Variants in GET1 observed in about 807,000 individuals in gnomAD.
The protein encoded by GET1 is guided entry of tail-anchored proteins factor 1.
Under a neutral mutation model 22.6 loss-of-function variants are expected in GET1, and 20 were observed. That is an observed-to-expected ratio of 0.89 (90% confidence interval 0.62 to 1.29). GET1 has a LOEUF of 1.29. Among genes scored for constraint, GET1 ranks in the 50% most tolerant of loss-of-function variants. GET1 has a pLI of 0.00. For missense variants in GET1, 209 were observed against 219.9 expected, an observed-to-expected ratio of 0.95 and a Z score of 0.31; for synonymous variants, 92 against 83.8, an observed-to-expected ratio of 1.10 and a Z score of -0.53.
chr21:39,423,014 T>A (rs780930244), intron 1 of GET1: 5 of 1,614,098 alleles, frequency 3.1e-6, no homozygotes, highest in East Asian at 2.2e-5. Flanking sequence ...TTTGTTGTGA[T>A]AATAGATAAT....
At chr21:39,393,314 G>A (rs1436160974) in intron 4 of GET1, 34 bp downstream of exon 4, 2 of 1,523,242 alleles carry the variant, frequency 1.3e-6, no homozygotes, top group Admixed American at 1.7e-5. Flanking sequence ...GTGGAAGAGT[G>A]TGAATAGGCT....
chr21:39,380,570 A>T (rs924198673), intron 1 of GET1, 84 bp downstream of exon 1: 219 of 1,540,806 alleles, frequency 1.4e-4, no homozygotes, highest in Non-Finnish European at 1.8e-4. Context: ...CAGGGGTCTC[A>T]ACTGGGCGAC....
chr21:39,414,738 C>CTGTGTGTGTGTGTGTG lies in GET1; in HGVS notation c.*23+3802_*23+3803insGTGTGTGTGTGTGTGT, dbSNP rs763309098. Among the ~76,000 whole-genome samples the CTGTGTGTGTGTGTGTG allele has an allele frequency of 2.9e-3, 309 of 107,308 alleles. 4 individuals are homozygous for CTGTGTGTGTGTGTGTG. The highest frequency in any genetic ancestry group is 6.8e-3 in the African/African-American group (175 of 25,604). The allele number at this position is 107,308 out of a possible 152,430, so 70.4% of individuals were successfully genotyped here. A position where few individuals can be genotyped will look rare whatever the true frequency, so the allele number is the denominator to read the frequency against. On this transcript the variant is annotated intron_variant, in intron 1 of 1. Transcript: ENST00000478273. ...CCTCTCTCTCTCTCTCTCTCTCTCT[C>CTGTGTGTGTGTGTGTG]TCTCTGTGTGTGTGTGTGTGTGTGT...
chr21:39,421,242 C>T (rs1265251790), intron 1 of GET1, among the ~76,000 whole-genome samples: 1 of 152,014 alleles, frequency 6.6e-6, no homozygotes, highest in African/African-American at 2.4e-5. Flanking sequence ...GCTGGGTTTA[C>T]AGGTGCACAC....
intron 1 of GET1, chr21:39,411,659 T>C: frequency 1.2e-6 from 1 of 817,434 alleles, no homozygotes; most frequent in Non-Finnish European, 2.0e-6. Context: ...CTATATAAAT[T>C]AGGAAAATCT....
intron 1 of GET1, among the ~76,000 whole-genome samples, chr21:39,389,345 G>A (rs939196110): frequency 1.3e-5 from 2 of 151,698 alleles, no homozygotes; most frequent in Non-Finnish European, 2.9e-5. Flanking sequence ...CCCATGGCAT[G>A]ATCTCAGCTC....
intron 1 of GET1, chr21:39,385,961 G>A (rs2299739): frequency 0.69 from 104,180 of 152,026 alleles, 35,776 homozygotes; most frequent in East Asian, 0.75. Flanking sequence ...CGAGCTGCAC[G>A]CACTGCGCAG....
At chr21:39,428,402 C>A in exon 2 of GET1, 1 of 1,612,954 alleles carries the variant, frequency 6.2e-7, no homozygotes, top group African/African-American at 1.3e-5. Flanking sequence ...GCCTGGGCTT[C>A]TCTTGCATGC....
At chr21:39,420,525 A>AAAAAAAG (rs1375189232) in intron 1 of GET1, among the ~76,000 whole-genome samples, 2 of 150,568 alleles carry the variant, frequency 1.3e-5, no homozygotes. Flanking sequence ...TCTATCTCAA[A>AAAAAAAG]AAAAAAAAAA....
At chr21:39,401,808 A>T (rs1282416089), downstream of GET1, among the ~76,000 whole-genome samples, 4 of 152,082 alleles carry the variant, frequency 2.6e-5, no homozygotes, top group Non-Finnish European at 4.4e-5. Context: ...ATTATATGTT[A>T]TGGTGGTCTG....
At chr21:39,395,369 T>G (rs1207808862) in intron 4 of GET1, among the ~76,000 whole-genome samples, 1 of 19,336 alleles carries the variant, frequency 5.2e-5, no homozygotes, top group Non-Finnish European at 1.5e-4. Context: ...GGAATGACTA[T>G]TTTTTTTTTT....
intron 1 of GET1, among the ~76,000 whole-genome samples, chr21:39,384,268 A>ATTT (rs1422834440): frequency 6.6e-6 from 1 of 150,464 alleles, no homozygotes; most frequent in Non-Finnish European, 1.5e-5. Flanking sequence ...TATTATTATT[A>ATTT]TTTTTTGAGA....
At chr21:39,392,621 G>T (rs922112575) in intron 3 of GET1, among the ~76,000 whole-genome samples, 14 of 152,150 alleles carry the variant, frequency 9.2e-5, no homozygotes, top group Non-Finnish European at 1.9e-4. Flanking sequence ...GGAATGCTGT[G>T]GGGGGATGGA....
chr21:39,403,455 T>C (rs11088475), intron 4 of GET1, among the ~76,000 whole-genome samples: 99,246 of 151,170 alleles, frequency 0.66, 33,728 homozygotes, highest in Middle Eastern at 0.76. Context: ...GCCTCTCCAG[T>C]AGCTGGGACT....
At chr21:39,412,548 GAAGT>G (rs1458462363) in intron 1 of GET1, among the ~76,000 whole-genome samples, 1 of 151,990 alleles carries the variant, frequency 6.6e-6, no homozygotes, top group African/African-American at 2.4e-5. Context: ...GGGCATATAT[GAAGT>G]AAGGAGGAAG....
intron 4 of GET1, among the ~76,000 whole-genome samples, chr21:39,393,761 T>A (rs1009655212): frequency 2.0e-5 from 3 of 152,144 alleles, no homozygotes; most frequent in Non-Finnish European, 4.4e-5. Context: ...GCAATTCTTA[T>A]GCCTCAGCCT....
chr21:39,396,801 C>A, intron 4 of GET1, 65 bp from the exon 5 acceptor site: 2 of 1,435,126 alleles, frequency 1.4e-6, no homozygotes, highest in Non-Finnish European at 2.0e-6. Flanking sequence ...GAGTTAAAGA[C>A]AGCAGAGACA....
downstream of GET1, among the ~76,000 whole-genome samples, chr21:39,399,106 A>G (rs1304579525): frequency 6.6e-6 from 1 of 152,214 alleles, no homozygotes; most frequent in Non-Finnish European, 1.5e-5. Flanking sequence ...AGCTACAGTA[A>G]ATGTGCATCT....
chr21:39,398,900 C>T (rs983945304), downstream of GET1, among the ~76,000 whole-genome samples: 2 of 152,056 alleles, frequency 1.3e-5, no homozygotes, highest in Non-Finnish European at 2.9e-5. Flanking sequence ...CCATGACGCC[C>T]AGCTAATTTT....
Sources: gnomAD v4.1 joint callset for allele counts (sites outside exome capture counted in the v4.1 genomes callset) on GRCh38, gnomAD v4.1.1 for gene constraint, MANE v1.5 for transcripts, NCBI Gene and HGNC (gene_info 2026-07-23, HGNC 2026-07-21) for gene names.